MAPK4: variants seen among roughly 807,000 people sequenced by gnomAD.
MAPK4 encodes the protein mitogen-activated protein kinase 4.
Under a neutral mutation model 47.7 loss-of-function variants are expected in MAPK4, and 22 were observed. The observed-to-expected ratio is 0.46, with a 90% confidence interval of 0.33 to 0.66. MAPK4 has a LOEUF of 0.66. Ranked by LOEUF, MAPK4 falls within the 30% of genes least tolerant of loss-of-function variation. MAPK4 has a pLI of 0.02. For synonymous variants in MAPK4, 390 were observed against 365.7 expected, an observed-to-expected ratio of 1.07 and a Z score of -0.76; for missense variants, 736 against 831.7, an observed-to-expected ratio of 0.88 and a Z score of 1.42.
At chr18:50,595,410 A>C (rs1595379) in intron 1 of MAPK4, among the ~76,000 whole-genome samples, 145,073 of 152,222 alleles carry the variant, frequency 0.95, 69,494 homozygotes, top group Non-Finnish European at 1. Context: ...TCTCCAAAAC[A>C]TAATAGTGAA....
intron 1 of MAPK4, among the ~76,000 whole-genome samples, chr18:50,615,661 A>G (rs766123122): frequency 6.6e-6 from 1 of 152,224 alleles, no homozygotes; most frequent in Non-Finnish European, 1.5e-5. Context: ...GAAGAGGAGA[A>G]CGCCATTTGG....
intron 2 of MAPK4, among the ~76,000 whole-genome samples, chr18:50,699,374 A>G (rs1909665883): frequency 6.6e-6 from 1 of 152,230 alleles, no homozygotes; most frequent in Admixed American, 6.5e-5. Flanking sequence ...TCATTGCACT[A>G]GTGGTCCTAG....
At chr18:50,618,317 G>A (rs541864221) in intron 1 of MAPK4, among the ~76,000 whole-genome samples, 6 of 152,244 alleles carry the variant, frequency 3.9e-5, no homozygotes, top group Admixed American at 3.9e-4. Context: ...ACCCAAACTA[G>A]TTACTACGCC....
chr18:50,694,345 A>C (rs1909391941), intron 2 of MAPK4, among the ~76,000 whole-genome samples: 1 of 152,058 alleles, frequency 6.6e-6, no homozygotes, highest in Admixed American at 6.6e-5. Flanking sequence ...TCCCTATCCC[A>C]TGGGCCAAAC....
intron 1 of MAPK4, among the ~76,000 whole-genome samples, chr18:50,613,950 A>G (rs1329775478): frequency 6.6e-6 from 1 of 152,202 alleles, no homozygotes; most frequent in African/African-American, 2.4e-5. Flanking sequence ...TACCATGTCT[A>G]AGTAATTAAA....
At position 50,729,597 on chromosome 18, in the gene MAPK4, G is replaced by A. The variant is rs1911425132; in HGVS notation, c.1507G>A (p.Gly503Ser). Reference protein sequence around the residue: ...IAQWVKSTQGGPEHASPPADD... With the variant: ...IAQWVKSTQGSPEHASPPADD... ...GCAGTGGGTCAAGAGCACGCAGGGC[G>A]GCCCAGAGCACGCCAGCCCGCCCGC... Residue 503 changes from glycine to serine, a missense_variant, in exon 6 of 6, where the codon GGC (glycine) becomes AGC (serine). Gly to Ser is a moderately conservative substitution (Grantham distance 56, BLOSUM62 0). Transcript: ENST00000400384. 2.2e-6 allele frequency: 3 copies of A among 1,366,596 alleles called. No individual in the cohort carries two copies. The highest frequency in any genetic ancestry group is 3.9e-5 in the South Asian group (2 of 51,170). The allele number at this position is 1,366,596 out of a possible 1,614,324, so 84.7% of individuals were successfully genotyped here. A position where few individuals can be genotyped will look rare whatever the true frequency, so the allele number is the denominator to read the frequency against.
At chr18:50,698,098 A>G (rs757173601) in intron 2 of MAPK4, among the ~76,000 whole-genome samples, 1 of 152,246 alleles carries the variant, frequency 6.6e-6, no homozygotes, top group Non-Finnish European at 1.5e-5. Flanking sequence ...GGACCAGATT[A>G]CATTTATTGG....
In MAPK4 at chr18:50,583,475, G is replaced by C. The variant is rs539033829; in HGVS notation, c.-871+23232G>C. On this transcript the variant is annotated intron_variant, in intron 1 of 5. Transcript: ENST00000400384. Reference sequence around the variant, plus strand: ...ATGGTGGTGTGCACCTGTAGTCCCAGCTACTTGGGAAGCTGAGGCATAAAA... The same window carrying C: ...ATGGTGGTGTGCACCTGTAGTCCCACCTACTTGGGAAGCTGAGGCATAAAA... 1.0e-3 allele frequency among the ~76,000 whole-genome samples: 159 copies of C among 152,302 alleles called. 3 individuals carry two copies. The South Asian group carries it at 0.032, about 31-fold the overall frequency.
chr18:50,609,195 G>T (rs978378964), intron 1 of MAPK4, among the ~76,000 whole-genome samples: 8 of 151,608 alleles, frequency 5.3e-5, no homozygotes, highest in African/African-American at 1.2e-4. Flanking sequence ...CGACAAAACC[G>T]CCATCGTCAT....
intron 1 of MAPK4, among the ~76,000 whole-genome samples, chr18:50,567,535 G>C (rs1048231264): frequency 9.2e-5 from 14 of 152,136 alleles, no homozygotes; most frequent in East Asian, 3.8e-4. Flanking sequence ...TGTGTTCAAT[G>C]GCTTTACCAA....
At chr18:50,693,083 CT>C (rs1297101075) in intron 2 of MAPK4, among the ~76,000 whole-genome samples, 43 of 152,104 alleles carry the variant, frequency 2.8e-4, no homozygotes, top group Non-Finnish European at 3.2e-4. Context: ...TGGTGAAACC[CT>C]GTCTCTACTA....
intron 2 of MAPK4, among the ~76,000 whole-genome samples, chr18:50,685,312 C>A (rs1908811182): frequency 6.6e-6 from 1 of 152,258 alleles, no homozygotes; most frequent in African/African-American, 2.4e-5. Context: ...TGTGCCACCT[C>A]AAGCAAGTTG....
At chr18:50,665,171 A>G (rs1005092437) in intron 2 of MAPK4, among the ~76,000 whole-genome samples, 10 of 152,212 alleles carry the variant, frequency 6.6e-5, no homozygotes, top group African/African-American at 2.4e-4. Context: ...CACCAACTGC[A>G]GGGATCAGAG....
chr18:50,561,558 A>G (rs1341220649), intron 1 of MAPK4, among the ~76,000 whole-genome samples: 1 of 152,220 alleles, frequency 6.6e-6, no homozygotes, highest in Non-Finnish European at 1.5e-5. Context: ...TTTACTGAGC[A>G]CCTACTAAAT....
chr18:50,584,074 G>A (rs2042369139), intron 1 of MAPK4, among the ~76,000 whole-genome samples: 1 of 152,220 alleles, frequency 6.6e-6, no homozygotes, highest in East Asian at 1.9e-4. Context: ...AGTGCCTGAA[G>A]TCTTCTTGCT....
chr18:50,726,609 C>T (rs758267661), intron 5 of MAPK4, among the ~76,000 whole-genome samples: 1 of 152,122 alleles, frequency 6.6e-6, no homozygotes. Context: ...TTAAAAATGC[C>T]ATTAAAAACC....
chr18:50,674,912 T>C (rs1456939608), intron 2 of MAPK4, among the ~76,000 whole-genome samples: 2 of 152,176 alleles, frequency 1.3e-5, no homozygotes, highest in African/African-American at 2.4e-5. Context: ...TGAATAAGCA[T>C]GGTCTTCAAG....
chr18:50,646,842 C>T (rs1039893535), intron 1 of MAPK4, among the ~76,000 whole-genome samples: 1 of 152,180 alleles, frequency 6.6e-6, no homozygotes, highest in Admixed American at 6.5e-5. Flanking sequence ...TGGACCCTTG[C>T]CCACCTCCTG....
intron 2 of MAPK4, among the ~76,000 whole-genome samples, chr18:50,685,353 C>T (rs1908813870): frequency 6.6e-6 from 1 of 152,248 alleles, no homozygotes; most frequent in Admixed American, 6.5e-5. Flanking sequence ...CTTCCTCACT[C>T]ACTGTCCAAT....
Sources: gnomAD v4.1 joint callset for allele counts (sites outside exome capture counted in the v4.1 genomes callset) on GRCh38, gnomAD v4.1.1 for gene constraint, MANE v1.5 for transcripts, NCBI Gene and HGNC (gene_info 2026-07-23, HGNC 2026-07-21) for gene names.